FAF1: variants seen among roughly 807,000 people sequenced by gnomAD.
FAF1 encodes FAS-associated factor 1.
Under a neutral mutation model 92.5 loss-of-function variants are expected in FAF1, and 25 were observed. The observed-to-expected ratio is 0.27, with a 90% CI of 0.20 to 0.38. The LOEUF (loss-of-function observed/expected upper bound fraction) is 0.38, where lower values mean the gene tolerates loss of function less well. Ranked by LOEUF, FAF1 falls within the 10% of genes least tolerant of loss-of-function variation. The pLI is 1.00. For synonymous variants in FAF1, 234 were observed against 273.2 expected, an observed-to-expected ratio of 0.86 and a Z score of 1.42; for missense variants, 636 against 793.3, an observed-to-expected ratio of 0.80 and a Z score of 2.38.
intron 7 of FAF1, among the ~76,000 whole-genome samples, chr1:50,668,767 A>C (rs2124333044): frequency 6.6e-6 from 1 of 152,304 alleles, no homozygotes; most frequent in Admixed American, 6.5e-5. Flanking sequence ...TCTGAAATGT[A>C]GATATAGCTA....
intron 1 of FAF1, among the ~76,000 whole-genome samples, chr1:50,928,882 G>A (rs561727489): frequency 6.0e-5 from 9 of 150,716 alleles, no homozygotes; most frequent in African/African-American, 1.9e-4. Context: ...TCAGGGGATC[G>A]AGACCAGCCT....
rs1295226431 is a variant in FAF1 at position 50,437,387 on chromosome 1, T to C, written c.*4053A>G. On this transcript the variant is annotated 3_prime_UTR_variant, in exon 19 of 19. Transcript: ENST00000396153. Reference sequence around the variant, plus strand: ...AAAATACATGTTTAACCTTTCTTTTTTTTTTTTTTTTAAAGAGATGAGGTC... The same window carrying C: ...AAAATACATGTTTAACCTTTCTTTTCTTTTTTTTTTTAAAGAGATGAGGTC... The C allele has an allele frequency of 1.3e-5, 2 of 150,438 alleles. No homozygotes were observed. Among genetic ancestry groups the C allele is most frequent in the Non-Finnish European group, 2.9e-5 (2 of 67,920 alleles). The allele number at this position is 150,438 out of a possible 1,614,324, so 9.3% of individuals were successfully genotyped here. A position where few individuals can be genotyped will look rare whatever the true frequency, so the allele number is the denominator to read the frequency against.
At chr1:50,667,727 G>A (rs917652934) in intron 7 of FAF1, among the ~76,000 whole-genome samples, 3 of 151,952 alleles carry the variant, frequency 2.0e-5, no homozygotes, top group Admixed American at 6.6e-5. Flanking sequence ...ACAATAATGC[G>A]GATTTTTAAA....
At chr1:50,869,609 G>C (rs1644510527) in intron 1 of FAF1, among the ~76,000 whole-genome samples, 1 of 152,052 alleles carries the variant, frequency 6.6e-6, no homozygotes, top group Non-Finnish European at 1.5e-5. Flanking sequence ...TCTCATTCTA[G>C]CCTCCATGTC....
rs190066294 is a variant in FAF1 at position 50,893,801 on chromosome 1, G to C, written c.46-35804C>G. 3.3e-4 allele frequency among the ~76,000 whole-genome samples: 51 copies of C among 152,296 alleles called. 4 individuals carry two copies. The highest frequency in any genetic ancestry group is 1.2e-3 in the African/African-American group (50 of 41,560). On this transcript the variant is annotated intron_variant, in intron 1 of 18. Transcript: ENST00000396153. ...CATGAAAATTTCCCCCTAGGCCTTA[G>C]GGCAGGTCCAGGGATACTGCACAGA... is the stretch of plus-strand genomic sequence containing the variant.
In FAF1 at chr1:50,583,702, T is replaced by C; in HGVS notation, c.981A>G (p.Ala327=). Residue 327 remains alanine, a synonymous_variant, in exon 11 of 19, where the codon GCA becomes GCG. Transcript: ENST00000396153. This position sits in a 1 kb window ranked among gnomAD's most constrained non-coding sequence, Gnocchi z 4.2. ...LRKSPMMPEN[A]ENEGDALLQF... is the part of the protein sequence containing the mutation. ...GTAATAAGGCATCTCCTTCATTTTCTGCGTTTTCTGGCACTAAAAAACAAA... is the reference window on the plus strand; with the variant it reads ...GTAATAAGGCATCTCCTTCATTTTCCGCGTTTTCTGGCACTAAAAAACAAA... The C allele has an allele frequency of 6.4e-7, 1 of 1,571,740 alleles. No homozygotes were observed. Among genetic ancestry groups the C allele is most frequent in the South Asian group, 1.2e-5 (1 of 82,060 alleles).
chr1:50,895,561 A>T (rs1182380653), intron 1 of FAF1, among the ~76,000 whole-genome samples: 1 of 152,146 alleles, frequency 6.6e-6, no homozygotes, highest in East Asian at 1.9e-4. Context: ...AAGACACATC[A>T]AAAAACAAAA....
intron 8 of FAF1, among the ~76,000 whole-genome samples, chr1:50,639,541 ATCCACGTAC>A (rs1300373262): frequency 6.6e-6 from 1 of 152,110 alleles, no homozygotes; most frequent in Non-Finnish European, 1.5e-5. Context: ...ATGTTGCACC[ATCCACGTAC>A]TCCTGAGATA....
intron 15 of FAF1, among the ~76,000 whole-genome samples, chr1:50,493,884 C>A (rs958397281): frequency 3.3e-5 from 5 of 152,196 alleles, no homozygotes; most frequent in Non-Finnish European, 7.3e-5. Context: ...AACGGACCTT[C>A]TAAAAGCAAT....
chr1:50,849,644 A>G (rs1476946196), intron 2 of FAF1, among the ~76,000 whole-genome samples: 5 of 152,192 alleles, frequency 3.3e-5, no homozygotes, highest in Non-Finnish European at 7.4e-5. Flanking sequence ...GACTGACTAT[A>G]TAGGCTACTA....
chr1:50,585,897 A>AG (rs1198633668), intron 9 of FAF1, among the ~76,000 whole-genome samples: 3 of 150,708 alleles, frequency 2.0e-5, no homozygotes, highest in East Asian at 1.9e-4. Flanking sequence ...AAAAAAAAAA[A>AG]AAAAGAAAAA....
At chr1:50,724,296 TACACACACACACACAC>T (rs974347882) in intron 6 of FAF1, among the ~76,000 whole-genome samples, 2 of 117,136 alleles carry the variant, frequency 1.7e-5, no homozygotes, top group Admixed American at 8.3e-5. Flanking sequence ...CACACACACA[TACACACACACACACAC>T]ACACACACAC....
At chr1:50,848,195 C>T (rs1298430854) in intron 2 of FAF1, among the ~76,000 whole-genome samples, 2 of 152,160 alleles carry the variant, frequency 1.3e-5, no homozygotes, top group South Asian at 2.1e-4. Context: ...AATTAACTTT[C>T]CCCCCACATT....
At chr1:50,477,155 A>T (rs1269896340) in intron 17 of FAF1, among the ~76,000 whole-genome samples, 4 of 152,188 alleles carry the variant, frequency 2.6e-5, no homozygotes, top group Non-Finnish European at 4.4e-5. Flanking sequence ...TATTTTTTTT[A>T]AATCATTCAA....
At chr1:50,915,255 G>A (rs529468505) in intron 1 of FAF1, among the ~76,000 whole-genome samples, 10 of 151,728 alleles carry the variant, frequency 6.6e-5, no homozygotes, top group African/African-American at 2.4e-4. Context: ...CTGTAATCCC[G>A]GCTACTTGGG....
At chr1:50,560,664 C>A (rs1354170767) in intron 13 of FAF1, among the ~76,000 whole-genome samples, 2 of 152,182 alleles carry the variant, frequency 1.3e-5, no homozygotes, top group Non-Finnish European at 2.9e-5. Context: ...ATTCATTTTC[C>A]AGCACTCATA....
chr1:50,828,670 A>G (rs1456173223), intron 2 of FAF1, among the ~76,000 whole-genome samples: 1 of 152,206 alleles, frequency 6.6e-6, no homozygotes, highest in Non-Finnish European at 1.5e-5. Flanking sequence ...AACTTTCGAT[A>G]AATTACGACA....
At chr1:50,870,970 A>G (rs1004979283) in intron 1 of FAF1, among the ~76,000 whole-genome samples, 2 of 152,242 alleles carry the variant, frequency 1.3e-5, no homozygotes, top group African/African-American at 4.8e-5. Flanking sequence ...AATGCAAAGG[A>G]AAAGTTCTTG....
chr1:50,835,570 CAAAAAAAAAAA>C (rs573942977), intron 2 of FAF1, among the ~76,000 whole-genome samples: 68 of 54,904 alleles, frequency 1.2e-3, no homozygotes, highest in African/African-American at 2.5e-3. Context: ...GACTCCATCT[CAAAAAAAAAAA>C]AAAAAAAAAA....
Sources: gnomAD v4.1 joint callset for allele counts (sites outside exome capture counted in the v4.1 genomes callset) on GRCh38, gnomAD v4.1.1 for gene constraint, Gnocchi (gnomAD v3.1) non-coding constraint, MANE v1.5 for transcripts, NCBI Gene and HGNC (gene_info 2026-07-23, HGNC 2026-07-21) for gene names.